INPP4B: variants seen among roughly 807,000 people sequenced by gnomAD.
INPP4B encodes inositol polyphosphate 4-phosphatase type II.
INPP4B carries 55 observed loss-of-function variants against 122.5 expected under a neutral mutation model. The ratio of observed to expected loss-of-function variants is 0.45; its 90% CI spans 0.36 to 0.56. The LOEUF (loss-of-function observed/expected upper bound fraction) is 0.56, where lower values mean the gene tolerates loss of function less well. INPP4B is among the 20% of genes least tolerant of loss of function. The probability of loss-of-function intolerance (pLI) is 0.00; values close to 1 mark genes in which losing one functional copy is unlikely to be tolerated. For synonymous variants in INPP4B, 403 were observed against 388.7 expected, an observed-to-expected ratio of 1.04 and a Z score of -0.43; for missense variants, 1,000 against 1,097.7, an observed-to-expected ratio of 0.91 and a Z score of 1.26.
chr4:142,625,519 G>A (rs1165834235), intron 2 of INPP4B, among the ~76,000 whole-genome samples: 1 of 152,078 alleles, frequency 6.6e-6, no homozygotes, highest in Admixed American at 6.6e-5. Context: ...CATGCTCATG[G>A]GTAGGAAGAA....
intron 1 of INPP4B, among the ~76,000 whole-genome samples, chr4:142,791,980 C>T (rs1463747133): frequency 5.9e-5 from 9 of 152,070 alleles, no homozygotes; most frequent in Admixed American, 2.6e-4. Flanking sequence ...ATTACAGTAA[C>T]CAAGAGAGAA....
rs748792109 is a variant in INPP4B at position 142,082,197 on chromosome 4, G to A, written c.2488-12C>T. 1.1e-5 allele frequency: 17 copies of A among 1,495,404 alleles called. No individual in the cohort carries two copies. The highest frequency in any genetic ancestry group is 2.3e-5 in the East Asian group (1 of 43,560). 92.6% of individuals were successfully genotyped at this position (1,495,404 alleles called of 1,614,324 possible). A position where few individuals can be genotyped will look rare whatever the true frequency, so the allele number is the denominator to read the frequency against. ...AGTTTGCGGCAAATCTGTAACATAT[G>A]TAAGAACGAACGTTTCTTGTTCATT... On this transcript the variant is annotated splice_polypyrimidine_tract_variant and intron_variant, in intron 24 of 25. Transcript: ENST00000262992.
chr4:142,658,278 ATAACTTTGGATATTG>A (rs1754520128), intron 2 of INPP4B, among the ~76,000 whole-genome samples: 1 of 152,220 alleles, frequency 6.6e-6, no homozygotes, highest in Admixed American at 6.5e-5. Context: ...CAGGCTTCTG[ATAACTTTGGATATTG>A]TAACATTGGA....
At chr4:142,077,740 T>C (rs1004192386) in intron 25 of INPP4B, among the ~76,000 whole-genome samples, 1 of 151,624 alleles carries the variant, frequency 6.6e-6, no homozygotes, top group African/African-American at 2.4e-5. Context: ...GTACAACTTG[T>C]GCCATAGGTG....
intron 2 of INPP4B, among the ~76,000 whole-genome samples, chr4:142,647,362 T>C: frequency 6.6e-6 from 1 of 152,188 alleles, no homozygotes; most frequent in East Asian, 1.9e-4. Flanking sequence ...AATGCAAGGA[T>C]TGAAACCTGC....
intron 2 of INPP4B, among the ~76,000 whole-genome samples, chr4:142,520,086 C>T (rs768390889): frequency 5.3e-5 from 8 of 151,984 alleles, no homozygotes; most frequent in Non-Finnish European, 8.8e-5. Context: ...GATTTCAACT[C>T]TATACAAATT....
chr4:142,037,952 T>TTAAG (rs1745001906), intron 25 of INPP4B, among the ~76,000 whole-genome samples: 1 of 152,150 alleles, frequency 6.6e-6, no homozygotes, highest in South Asian at 2.1e-4. Context: ...TTTAAAAATC[T>TTAAG]TAAGTTTCCA....
rs187063523 is a variant in INPP4B at position 142,455,381 on chromosome 4, T to G, written c.-127+7282A>C. 2.4e-3 allele frequency among the ~76,000 whole-genome samples: 358 copies of G among 152,126 alleles called. 1 individual carries two copies. Among genetic ancestry groups the G allele is most frequent in the African/African-American group, 8.4e-3 (350 of 41,544 alleles). On this transcript the variant is annotated intron_variant, in intron 3 of 25. Coordinates refer to ENST00000262992, the MANE Select transcript of INPP4B (RefSeq NM_001101669.3). ...AGTCTAAGAGTTCAATTGTTTTGAT[T>G]TTTAGATCACACAAATAAGTGAGAA...
intron 18 of INPP4B, among the ~76,000 whole-genome samples, chr4:142,141,295 G>C (rs1205114506): frequency 6.6e-6 from 1 of 152,116 alleles, no homozygotes; most frequent in Admixed American, 6.5e-5. Flanking sequence ...CAGAGATATT[G>C]TAGATAAGCT....
In INPP4B at chr4:142,327,989, C is replaced by T. The variant is rs78168474; in HGVS notation, c.373-13227G>A. Among the ~76,000 whole-genome samples the T allele has an allele frequency of 9.4e-3, 1,421 of 150,830 alleles. 32 individuals carry two copies. The highest frequency in any genetic ancestry group is 0.033 in the African/African-American group (1,315 of 40,346). On this transcript the variant is annotated intron_variant, in intron 7 of 25. Coordinates refer to ENST00000262992, the MANE Select transcript of INPP4B (RefSeq NM_001101669.3). ...GCAAAAGTCTGCTACACAAAGACTG[C>T]GGAGGGAAGTTAAAGCAAAGATCCC...
At position 142,689,951 on chromosome 4, in the gene INPP4B, G is replaced by T. The variant is rs550414637; in HGVS notation, c.-191+35888C>A. ...CTTTCCTTATCTTGCAACGTAGATA[G>T]ATCGCAACTACTGTCTGCATAACAA... On this transcript the variant is annotated intron_variant, in intron 2 of 25. Coordinates refer to ENST00000262992, the MANE Select transcript of INPP4B (RefSeq NM_001101669.3). Among the ~76,000 whole-genome samples, 11 of 152,260 alleles carry T rather than the reference G, an allele frequency of 7.2e-5. No individual in the cohort carries two copies. The South Asian group carries it at 1.7e-3, about 23-fold the overall frequency.
intron 25 of INPP4B, among the ~76,000 whole-genome samples, chr4:142,075,504 C>T (rs1770148250): frequency 6.6e-6 from 1 of 152,036 alleles, no homozygotes; most frequent in African/African-American, 2.4e-5. Flanking sequence ...CCCACTGTCA[C>T]TGAGAGACAA....
intron 2 of INPP4B, among the ~76,000 whole-genome samples, chr4:142,464,662 T>C (rs1025591089): frequency 6.6e-6 from 1 of 152,068 alleles, no homozygotes; most frequent in Non-Finnish European, 1.5e-5. Context: ...ACTGATCACT[T>C]AGTTGCAACT....
At chr4:142,523,225 C>A (rs1222842045) in intron 2 of INPP4B, among the ~76,000 whole-genome samples, 1 of 152,098 alleles carries the variant, frequency 6.6e-6, no homozygotes, top group African/African-American at 2.4e-5. Context: ...AAATCAGAAA[C>A]TCTGACTCTG....
At chr4:142,526,956 G>A (rs1483132756) in intron 2 of INPP4B, among the ~76,000 whole-genome samples, 1 of 151,972 alleles carries the variant, frequency 6.6e-6, no homozygotes, top group East Asian at 1.9e-4. Flanking sequence ...TGCTGTCTGT[G>A]ATGTGAAATT....
intron 3 of INPP4B, among the ~76,000 whole-genome samples, chr4:142,437,236 A>G (rs1463748183): frequency 1.3e-5 from 2 of 152,118 alleles, no homozygotes; most frequent in African/African-American, 4.8e-5. Context: ...AGGAACCAAC[A>G]CAACCTTCAA....
intron 11 of INPP4B, among the ~76,000 whole-genome samples, chr4:142,254,841 G>C (rs965999476): frequency 4.6e-5 from 7 of 151,920 alleles, no homozygotes; most frequent in Non-Finnish European, 8.8e-5. Flanking sequence ...TCAGATTCAG[G>C]AAATACAGAG....
Position 142,108,139 on chromosome 4 carries a change from A to C in INPP4B, c.2328T>G (p.Leu776=). The C allele has an allele frequency of 6.2e-7, 1 of 1,600,624 alleles. No homozygotes were observed. Among genetic ancestry groups the C allele is most frequent in the Non-Finnish European group, 8.6e-7 (1 of 1,168,742 alleles). ...QESINQENFE[L]LQEYYKIFME... is the part of the protein sequence containing the mutation. The stretch of plus-strand genomic sequence containing the variant: ...TAAATATCTTGTAATATTCTTGTAG[A>C]AGTTCGAAGTTTTCCTGATTAATAC... Residue 776 remains leucine, a synonymous_variant, in exon 23 of 26, where the codon CTT becomes CTG. Coordinates refer to ENST00000262992, the MANE Select transcript of INPP4B (RefSeq NM_001101669.3).
chr4:142,710,353 A>G (rs1762958555), intron 2 of INPP4B, among the ~76,000 whole-genome samples: 1 of 152,206 alleles, frequency 6.6e-6, no homozygotes, highest in Non-Finnish European at 1.5e-5. Context: ...GAAAGTTTCA[A>G]CAAAATGGCC....
Sources: allele counts gnomAD v4.1 joint callset (sites outside exome capture counted in the v4.1 genomes callset), GRCh38; gene constraint gnomAD v4.1.1; transcripts MANE v1.5; gene names NCBI Gene and HGNC (gene_info 2026-07-23, HGNC 2026-07-21).